CADM2: variants seen among roughly 807,000 people sequenced by gnomAD.
CADM2 encodes the protein immunoglobulin superfamily member 4D.
CADM2 carries 12 observed loss-of-function variants against 49.8 expected under a neutral mutation model. That is an observed-to-expected ratio of 0.24 (90% confidence interval 0.15 to 0.39). The LOEUF is 0.39. Ranked by LOEUF, CADM2 falls within the 10% of genes least tolerant of loss-of-function variation. The pLI is 1.00. For synonymous variants in CADM2, 214 were observed against 175.4 expected (o/e 1.22, Z -1.74); for missense variants, 378 against 492.3 (o/e 0.77, Z 2.20).
At chr3:85,886,046 G>A in intron 4 of CADM2, 144 bp from the exon 5 acceptor site, 1 of 1,237,074 alleles carries the variant, frequency 8.1e-7, no homozygotes, top group Admixed American at 2.6e-5. Context: ...ATATGAAGCA[G>A]TTTATTACAT....
chr3:85,864,309 A>T (rs1468323615), intron 3 of CADM2, among the ~76,000 whole-genome samples: 1 of 152,222 alleles, frequency 6.6e-6, no homozygotes, highest in Non-Finnish European at 1.5e-5. Context: ...AATCAGCAGG[A>T]ATGAATTACT....
At chr3:85,270,671 C>G (rs190109157) in intron 1 of CADM2, among the ~76,000 whole-genome samples, 1 of 150,964 alleles carries the variant, frequency 6.6e-6, no homozygotes, top group African/African-American at 2.4e-5. Flanking sequence ...CTAATGTAAA[C>G]CTAGCAAGCA....
intron 1 of CADM2, among the ~76,000 whole-genome samples, chr3:85,568,609 T>TC (rs754582773): frequency 0.49 from 58,952 of 120,398 alleles, 17,961 homozygotes; most frequent in East Asian, 0.86. Flanking sequence ...CTTTCCTCTC[T>TC]TTCTTTTTTT....
At chr3:85,449,592 G>C (rs1007646405) in intron 1 of CADM2, among the ~76,000 whole-genome samples, 3 of 149,924 alleles carry the variant, frequency 2.0e-5, no homozygotes, top group Admixed American at 1.3e-4. Context: ...TTCCTTCTTA[G>C]CATATAAAGT....
intron 7 of CADM2, among the ~76,000 whole-genome samples, chr3:85,950,052 G>A (rs528711758): frequency 3.3e-5 from 5 of 151,120 alleles, no homozygotes; most frequent in South Asian, 2.1e-4. Flanking sequence ...ATGAAAACAC[G>A]AAAATATTGC....
intron 8 of CADM2, among the ~76,000 whole-genome samples, chr3:86,051,330 C>T (rs1196862170): frequency 6.6e-6 from 1 of 152,192 alleles, no homozygotes; most frequent in Non-Finnish European, 1.5e-5. Context: ...GAGACTTCCT[C>T]AGCCTGGAGT....
intron 1 of CADM2, among the ~76,000 whole-genome samples, chr3:85,473,923 A>T (rs1481214579): frequency 6.6e-6 from 1 of 151,910 alleles, no homozygotes; most frequent in East Asian, 1.9e-4. Context: ...CAGATATTTT[A>T]TTTATCTTCT....
At chr3:85,543,231 T>C (rs2061584289) in intron 1 of CADM2, among the ~76,000 whole-genome samples, 1 of 100,832 alleles carries the variant, frequency 9.9e-6, no homozygotes, top group Admixed American at 1.1e-4. Flanking sequence ...CACAACTCTT[T>C]TTATTTATTT....
rs2063183603 is a variant in CADM2 at position 85,594,189 on chromosome 3, AAAT to A, written c.62-132331_62-132329del. Among the ~76,000 whole-genome samples the A allele has an allele frequency of 3.3e-5, 5 of 152,002 alleles. No homozygotes were observed. The South Asian group carries it at 1.0e-3, about 31-fold the overall frequency. ...CTGAGAATAGTTCAAAGGTAATTGA[AAAT>A]ATTTAACATAACAAATGGACAGATT... On this transcript the variant is annotated intron_variant, in intron 1 of 9. Transcript: ENST00000383699.
At chr3:85,401,961 T>C (rs2035133919) in intron 1 of CADM2, among the ~76,000 whole-genome samples, 1 of 152,200 alleles carries the variant, frequency 6.6e-6, no homozygotes, top group Non-Finnish European at 1.5e-5. Flanking sequence ...GTTATTTCAC[T>C]AATGCTACAA....
At chr3:85,510,137 A>G (rs2040547920) in intron 1 of CADM2, among the ~76,000 whole-genome samples, 3 of 152,042 alleles carry the variant, frequency 2.0e-5, no homozygotes, top group Non-Finnish European at 4.4e-5. Context: ...TGGAATAGTA[A>G]TTGGTCAAAA....
chr3:85,083,535 G>A (rs144651752), intron 1 of CADM2, among the ~76,000 whole-genome samples: 45 of 152,226 alleles, frequency 3.0e-4, no homozygotes, highest in African/African-American at 1.0e-3. Flanking sequence ...AGGAGAGACA[G>A]CTCTTAATGA....
intron 1 of CADM2, among the ~76,000 whole-genome samples, chr3:85,299,392 A>G (rs182858379): frequency 2.0e-5 from 3 of 152,226 alleles, no homozygotes; most frequent in African/African-American, 7.2e-5. Context: ...CAGACATGTC[A>G]GTTCTTTGCA....
intron 1 of CADM2, among the ~76,000 whole-genome samples, chr3:85,433,454 A>T (rs2107526930): frequency 6.6e-6 from 1 of 152,126 alleles, no homozygotes; most frequent in South Asian, 2.1e-4. Context: ...TGGGAAAATC[A>T]TTATGGATTG....
chr3:85,562,478 CAAAAAAAAAAAAA>C (rs10533481), intron 1 of CADM2, among the ~76,000 whole-genome samples: 2 of 65,502 alleles, frequency 3.1e-5, no homozygotes, highest in African/African-American at 1.6e-4. Flanking sequence ...AACTCCATCT[CAAAAAAAAAAAAA>C]AAAAAAAAAA....
intron 1 of CADM2, among the ~76,000 whole-genome samples, chr3:85,537,290 G>C (rs2061441642): frequency 1.3e-5 from 2 of 151,886 alleles, no homozygotes; most frequent in Admixed American, 6.6e-5. Flanking sequence ...AAATATTCAG[G>C]CTATGTAGAA....
intron 1 of CADM2, among the ~76,000 whole-genome samples, chr3:85,021,281 A>T (rs773485495): frequency 6.6e-6 from 1 of 152,170 alleles, no homozygotes; most frequent in Non-Finnish European, 1.5e-5. Flanking sequence ...TTCGACATGC[A>T]TTGCCAATTT....
intron 8 of CADM2, among the ~76,000 whole-genome samples, chr3:86,055,447 C>G (rs1004533304): frequency 2.2e-5 from 3 of 138,482 alleles, no homozygotes; most frequent in African/African-American, 8.4e-5. Flanking sequence ...TCTGGGCATC[C>G]CCTCTTTTTT....
chr3:85,453,820 A>G (rs1314064529), intron 1 of CADM2, among the ~76,000 whole-genome samples: 8 of 152,180 alleles, frequency 5.3e-5, no homozygotes, highest in Non-Finnish European at 7.4e-5. Flanking sequence ...AAAAACTAAT[A>G]GTCACAATTT....
Sources: allele counts gnomAD v4.1 joint callset (sites outside exome capture counted in the v4.1 genomes callset), GRCh38; gene constraint gnomAD v4.1.1; transcripts MANE v1.5; gene names NCBI Gene and HGNC (gene_info 2026-07-23, HGNC 2026-07-21).